TLN2: variants seen among roughly 807,000 people sequenced by gnomAD.
TLN2 encodes the protein talin-2.
A neutral mutation model predicts 294.7 loss-of-function variants in TLN2; 118 were observed. The ratio of observed to expected loss-of-function variants is 0.40; its 90% CI spans 0.34 to 0.47. The LOEUF (loss-of-function observed/expected upper bound fraction) is 0.47. TLN2 is among the 20% of genes least tolerant of loss of function. The probability of loss-of-function intolerance (pLI) is 0.84; values close to 1 mark genes in which losing one functional copy is unlikely to be tolerated. For missense variants in TLN2, 3,083 were observed against 3,282.2 expected (o/e 0.94, Z 1.48); for synonymous variants, 1,431 against 1,304.5 (o/e 1.10, Z -2.09).
chr15:62,504,465 G>C (rs191021048), intron 1 of TLN2, among the ~76,000 whole-genome samples: 1 of 152,154 alleles, frequency 6.6e-6, no homozygotes. Context: ...TGAGGTATTC[G>C]TGTAAAAGCA....
chr15:62,526,805 G>T lies in TLN2; in HGVS notation c.-237-62882G>T, dbSNP rs1033056107. The stretch of plus-strand genomic sequence containing the variant: ...TTTCCATGTGAGAGGTAATGTAGGG[G>T]TTATAGATGCCAGCCCCTGTTCTCA... On this transcript the variant is annotated intron_variant, in intron 1 of 58. Transcript: ENST00000636159. 5.1e-4 allele frequency among the ~76,000 whole-genome samples: 78 copies of T among 152,144 alleles called. 1 individual carries two copies. Among genetic ancestry groups the T allele is most frequent in the Non-Finnish European group, 1.2e-4 (8 of 68,026 alleles).
chr15:62,478,517 A>C (rs1049862153), intron 1 of TLN2, among the ~76,000 whole-genome samples: 1 of 151,988 alleles, frequency 6.6e-6, no homozygotes, highest in African/African-American at 2.4e-5. Flanking sequence ...GGGTGTGTTC[A>C]TTTTGGAGGC....
At chr15:62,731,411 T>A in intron 28 of TLN2, among the ~76,000 whole-genome samples, 1 of 222 alleles carries the variant, frequency 4.5e-3, no homozygotes, top group African/African-American at 6.3e-3. Flanking sequence ...TGAATTATGT[T>A]TTTTTTCCCT....
chr15:62,476,795 C>T (rs1439005507), intron 1 of TLN2, among the ~76,000 whole-genome samples: 2 of 152,182 alleles, frequency 1.3e-5, no homozygotes, highest in Non-Finnish European at 2.9e-5. Context: ...ATGCAGATGC[C>T]ATTTCCTCTG....
intron 46 of TLN2, 26 bp downstream of exon 46, chr15:62,792,813 T>A (rs1394038205): frequency 1.2e-6 from 2 of 1,611,942 alleles, no homozygotes; most frequent in African/African-American, 2.7e-5. Context: ...CAGTTTAGAG[T>A]CACAAGAACC....
chr15:62,719,543 C>T (rs2059995594), intron 24 of TLN2, among the ~76,000 whole-genome samples: 1 of 152,124 alleles, frequency 6.6e-6, no homozygotes, highest in South Asian at 2.1e-4. Flanking sequence ...TCGAGACTTC[C>T]AGGACCACAG....
Position 62,577,711 on chromosome 15 carries a change from T to C in TLN2, c.-237-11976T>C, listed in dbSNP as rs542308510. Among the ~76,000 whole-genome samples the C allele has an allele frequency of 5.3e-5, 8 of 152,320 alleles. No individual in the cohort carries two copies. In the East Asian group the frequency reaches 1.5e-3, roughly 29 times the overall value. The stretch of plus-strand genomic sequence containing the variant: ...AACTTATAAAAATTTTTTTTTAATA[T>C]ACTTTAAGCTCTAGGGTACATGTGC... On this transcript the variant is annotated intron_variant, in intron 1 of 58. Transcript: ENST00000636159.
At chr15:62,812,483 G>A (rs2066767069) in intron 52 of TLN2, among the ~76,000 whole-genome samples, 1 of 152,194 alleles carries the variant, frequency 6.6e-6, no homozygotes, top group Non-Finnish European at 1.5e-5. Context: ...GATGGAAATG[G>A]AGTGAAGGTC....
chr15:62,679,949 G>A (rs1237228137), intron 11 of TLN2, among the ~76,000 whole-genome samples: 4 of 152,112 alleles, frequency 2.6e-5, no homozygotes, highest in African/African-American at 9.7e-5. Context: ...TTCCTCCATC[G>A]AGTTACTTTT....
chr15:62,503,149 A>G (rs1224874060), intron 1 of TLN2, among the ~76,000 whole-genome samples: 1 of 152,222 alleles, frequency 6.6e-6, no homozygotes, highest in South Asian at 2.1e-4. Flanking sequence ...ATTAAAATAT[A>G]TGTACATCTA....
At chr15:62,774,623 C>T (rs149645213) in intron 42 of TLN2, among the ~76,000 whole-genome samples, 39 of 152,268 alleles carry the variant, frequency 2.6e-4, no homozygotes, top group Admixed American at 2.2e-3. Context: ...TGAGCTGACC[C>T]TCTAAGAATC....
intron 1 of TLN2, among the ~76,000 whole-genome samples, chr15:62,548,980 A>G (rs1414207302): frequency 6.6e-6 from 1 of 152,138 alleles, no homozygotes; most frequent in Non-Finnish European, 1.5e-5. Flanking sequence ...CCTTGATAGG[A>G]GTGTGTAATG....
At chr15:62,811,635 C>T (rs536900389) in intron 52 of TLN2, among the ~76,000 whole-genome samples, 5 of 152,260 alleles carry the variant, frequency 3.3e-5, no homozygotes, top group East Asian at 1.9e-4. Flanking sequence ...TTTCCTCAGA[C>T]GTTAAACAGG....
intron 1 of TLN2, among the ~76,000 whole-genome samples, chr15:62,521,299 G>A (rs953283068): frequency 6.6e-6 from 1 of 152,080 alleles, no homozygotes; most frequent in Non-Finnish European, 1.5e-5. Context: ...AGGGTGGGGG[G>A]TACAGGGGAA....
chr15:62,510,016 T>G (rs1397658387), intron 1 of TLN2, among the ~76,000 whole-genome samples: 1 of 152,248 alleles, frequency 6.6e-6, no homozygotes, highest in African/African-American at 2.4e-5. Flanking sequence ...AAAAAATGTT[T>G]TTAGCGAATA....
At chr15:62,524,264 A>G (rs946551202) in intron 1 of TLN2, among the ~76,000 whole-genome samples, 6 of 152,212 alleles carry the variant, frequency 3.9e-5, no homozygotes, top group African/African-American at 1.4e-4. Context: ...TTAGTTCATA[A>G]ACTAAAATCA....
chr15:62,510,056 C>G (rs1268262264), intron 1 of TLN2, among the ~76,000 whole-genome samples: 2 of 152,188 alleles, frequency 1.3e-5, no homozygotes, highest in Non-Finnish European at 2.9e-5. Flanking sequence ...TTGGGATCTT[C>G]CCAGTAGTCT....
chr15:62,657,322 T>A (rs2053338353), intron 8 of TLN2, among the ~76,000 whole-genome samples: 1 of 152,264 alleles, frequency 6.6e-6, no homozygotes, highest in Non-Finnish European at 1.5e-5. Context: ...TTTCTCTTCC[T>A]CTATTACATT....
chr15:62,446,939 C>T (rs2035849806), intron 1 of TLN2, among the ~76,000 whole-genome samples: 1 of 152,082 alleles, frequency 6.6e-6, no homozygotes, highest in South Asian at 2.1e-4. Flanking sequence ...TCAGCATTTC[C>T]CAAACTCTAA....
Sources: gnomAD v4.1 joint callset for allele counts (sites outside exome capture counted in the v4.1 genomes callset) on GRCh38, gnomAD v4.1.1 for gene constraint, MANE v1.5 for transcripts, NCBI Gene and HGNC (gene_info 2026-07-23, HGNC 2026-07-21) for gene names.